The following ALG14 variants were observed in gnomAD, a reference collection of about 807,000 sequenced individuals.
The protein encoded by ALG14 is UDP-N-acetylglucosamine transferase subunit ALG14.
In ALG14, 17 loss-of-function variants were observed where a neutral mutation model predicts 22.8. The ratio of observed to expected loss-of-function variants is 0.75; its 90% CI spans 0.51 to 1.12. The LOEUF (loss-of-function observed/expected upper bound fraction) is 1.12. ALG14 is among the 50% of genes most tolerant of loss of function. The pLI is 0.00. For synonymous variants in ALG14, 89 were observed against 103.7 expected, an observed-to-expected ratio of 0.86 and a Z score of 0.86; for missense variants, 288 against 271.8, an observed-to-expected ratio of 1.06 and a Z score of -0.42.
intron 3 of ALG14, among the ~76,000 whole-genome samples, chr1:94,988,956 C>T (rs1474559122): frequency 6.6e-6 from 1 of 152,104 alleles, no homozygotes; most frequent in Non-Finnish European, 1.5e-5. Flanking sequence ...AATATATGTT[C>T]ATATATGCAT....
intron 3 of ALG14, among the ~76,000 whole-genome samples, chr1:94,996,261 GC>G (rs1262903224): frequency 1.3e-5 from 2 of 152,008 alleles, no homozygotes; most frequent in African/African-American, 4.8e-5. Flanking sequence ...TGATTCTGGT[GC>G]ACACTGGAGA....
chr1:95,038,278 A>T (rs113769622), intron 2 of ALG14, among the ~76,000 whole-genome samples: 2 of 152,308 alleles, frequency 1.3e-5, no homozygotes, highest in South Asian at 4.1e-4. Context: ...ACCTGAGGTC[A>T]GGAGTTTTGA....
At chr1:95,003,607 C>A (rs6669262) in intron 3 of ALG14, among the ~76,000 whole-genome samples, 35,000 of 151,576 alleles carry the variant, frequency 0.23, 4,409 homozygotes, top group African/African-American at 0.33. Context: ...TGTCATCATG[C>A]CTGGCTAATT....
chr1:95,066,292 C>T (rs112692635), intron 1 of ALG14, among the ~76,000 whole-genome samples: 6,808 of 150,972 alleles, frequency 0.045, 213 homozygotes, highest in Non-Finnish European at 0.07. Context: ...TGTGTGATCT[C>T]GGCTCATTGC....
At chr1:95,000,872 A>C (rs749830792) in intron 3 of ALG14, among the ~76,000 whole-genome samples, 5 of 152,184 alleles carry the variant, frequency 3.3e-5, no homozygotes, top group Non-Finnish European at 7.3e-5. Context: ...ACAAAGACAC[A>C]TACCTACCGA....
At position 94,983,086 on chromosome 1, in the gene ALG14, C is replaced by A. The variant is rs767036165; in HGVS notation, c.641G>T (p.Arg214Leu). Residue 214 changes from arginine to leucine, a missense_variant, in exon 4 of 4, where the codon CGA becomes CTA. By Grantham distance (102) the Arg-to-Leu change is moderately radical. Transcript: ENST00000370205. Reference protein sequence around the residue: ...EKYPKSVYLGRIV With the variant: ...EKYPKSVYLGLIV ...GTCAGTTGCCATTTGTCAAACAATT[C>A]GCCCAAGGTACACCGATTTGGGATA... The A allele has an allele frequency of 6.2e-7, 1 of 1,613,928 alleles. No individual in the cohort carries two copies. The highest frequency in any genetic ancestry group is 2.2e-5 in the East Asian group (1 of 44,870).
At chr1:94,999,696 T>C (rs1258434651) in intron 3 of ALG14, among the ~76,000 whole-genome samples, 1 of 152,204 alleles carries the variant, frequency 6.6e-6, no homozygotes, top group Non-Finnish European at 1.5e-5. Context: ...CCACGCTGGA[T>C]TCCTCATGGA....
chr1:94,989,928 A>C (rs17112836), intron 3 of ALG14, among the ~76,000 whole-genome samples: 1 of 152,206 alleles, frequency 6.6e-6, no homozygotes, highest in East Asian at 1.9e-4. Flanking sequence ...AGATCACATC[A>C]GAGCAGTCAC....
intron 3 of ALG14, among the ~76,000 whole-genome samples, chr1:95,012,683 C>T (rs895698358): frequency 1.3e-5 from 2 of 152,156 alleles, no homozygotes; most frequent in Non-Finnish European, 2.9e-5. Flanking sequence ...CCAGGAGCCC[C>T]TGCTTTGATA....
intron 3 of ALG14, among the ~76,000 whole-genome samples, chr1:94,997,657 A>G (rs1672944160): frequency 6.6e-6 from 1 of 152,162 alleles, no homozygotes; most frequent in Non-Finnish European, 1.5e-5. Context: ...CTCATCTGTA[A>G]TATGTGGATT....
chr1:94,976,910 T>C lies in ALG14; in HGVS notation c.*6166A>G, dbSNP rs1430084163. ...GATTACACTGACTCAGTCATGTGAG[T>C]CCTTAAAAGATAGGAAGCAGGCCAC... On this transcript the variant is annotated 3_prime_UTR_variant, in exon 4 of 4. Transcript: ENST00000370205. 6.6e-6 allele frequency: 1 copy of C among 152,104 alleles called. No homozygotes were observed. Among genetic ancestry groups the C allele is most frequent in the Non-Finnish European group, 1.5e-5 (1 of 68,032 alleles). 9.4% of individuals were successfully genotyped at this position (152,104 alleles called of 1,614,324 possible).
chr1:95,068,911 A>C (rs1675468733), intron 1 of ALG14, among the ~76,000 whole-genome samples: 1 of 152,134 alleles, frequency 6.6e-6, no homozygotes, highest in African/African-American at 2.4e-5. Context: ...ATCACCCTTC[A>C]GTCCTTCCCT....
At position 95,020,148 on chromosome 1, in the gene ALG14, C is replaced by T. The variant is rs1266554390; in HGVS notation, c.420+6981G>A. 4.0e-5 allele frequency among the ~76,000 whole-genome samples: 6 copies of T among 151,540 alleles called. No individual in the cohort carries two copies. In the South Asian group the frequency reaches 6.3e-4, roughly 16 times the overall value. On this transcript the variant is annotated intron_variant, in intron 3 of 3. Coordinates refer to ENST00000370205, the MANE Select transcript of ALG14 (RefSeq NM_144988.4). ...AGGAGAATCGCTTGAACTCGGGAGG[C>T]GGAGGTTGCAGTGAGCCGAGATCAT...
chr1:95,050,584 G>A lies in ALG14; in HGVS notation c.288+14282C>T, dbSNP rs536943607. Among the ~76,000 whole-genome samples, 17 of 152,230 alleles carry A rather than the reference G, an allele frequency of 1.1e-4. No homozygotes were observed. The South Asian group carries it at 2.9e-3, about 26-fold the overall frequency. On this transcript the variant is annotated intron_variant, in intron 2 of 3. Transcript: ENST00000370205. ...TAATCTGAACCAGGAAGAAGGAAAC[G>A]GAAGTCCCTAATTGCCACAAACAAG...
chr1:95,022,270 T>A, intron 3 of ALG14: 4 of 973,512 alleles, frequency 4.1e-6, no homozygotes, highest in Non-Finnish European at 4.9e-6. Flanking sequence ...ACAGAAGCTA[T>A]AACATTTAAA....
chr1:95,036,675 C>T (rs1674206650), intron 2 of ALG14, among the ~76,000 whole-genome samples: 1 of 152,096 alleles, frequency 6.6e-6, no homozygotes, highest in African/African-American at 2.4e-5. Context: ...GATCCGCCCA[C>T]CTCGACCTCC....
intron 2 of ALG14, among the ~76,000 whole-genome samples, chr1:95,033,324 A>C (rs964714293): frequency 6.6e-6 from 1 of 151,454 alleles, no homozygotes; most frequent in African/African-American, 2.4e-5. Context: ...TCTTCCTTTG[A>C]GGGACACTGT....
intron 2 of ALG14, among the ~76,000 whole-genome samples, chr1:95,029,754 T>A (rs1245312915): frequency 6.6e-6 from 1 of 152,170 alleles, no homozygotes; most frequent in Non-Finnish European, 1.5e-5. Flanking sequence ...CAGCAAAAAG[T>A]GAAAATGGAA....
At chr1:95,029,845 G>C (rs1276856681) in intron 2 of ALG14, among the ~76,000 whole-genome samples, 1 of 152,164 alleles carries the variant, frequency 6.6e-6, no homozygotes, top group Non-Finnish European at 1.5e-5. Flanking sequence ...TAGAATGGGA[G>C]ACCTGGGCTC....
Sources: allele counts gnomAD v4.1 joint callset (sites outside exome capture counted in the v4.1 genomes callset), GRCh38; gene constraint gnomAD v4.1.1; transcripts MANE v1.5; gene names NCBI Gene and HGNC (gene_info 2026-07-23, HGNC 2026-07-21).